Variants in ADGRB3 observed in about 807,000 individuals in gnomAD.
The protein encoded by ADGRB3 is brain-specific angiogenesis inhibitor 3.
ADGRB3 carries 37 observed loss-of-function variants against 193.4 expected under a neutral mutation model. The ratio of observed to expected loss-of-function variants is 0.19; its 90% CI spans 0.15 to 0.25. ADGRB3 has a LOEUF of 0.25. Ranked by LOEUF, ADGRB3 falls within the 10% of genes least tolerant of loss-of-function variation. The pLI, the probability that ADGRB3 is intolerant of heterozygous loss-of-function variation, is 1.00. For synonymous variants in ADGRB3, 690 were observed against 644.2 expected (o/e 1.07, Z -1.08); for missense variants, 1,637 against 1,852.9 (o/e 0.88, Z 2.14).
intron 3 of ADGRB3, among the ~76,000 whole-genome samples, chr6:68,655,304 GT>G (rs375875409): frequency 0.022 from 3,368 of 151,416 alleles, 62 homozygotes; most frequent in South Asian, 0.073. Flanking sequence ...GTTTTGTTTC[GT>G]TTTTTTGTTG....
rs879543402 is a variant in ADGRB3, at chr6:69,200,857, GT to G, written c.2481-32425del. Among the ~76,000 whole-genome samples, 13 of 152,128 alleles carry G rather than the reference GT, an allele frequency of 8.5e-5. No homozygotes were observed. The East Asian group carries it at 9.7e-4, about 11-fold the overall frequency. On this transcript the variant is annotated intron_variant, in intron 17 of 31. Transcript: ENST00000370598. ...GAGAAATAAAAGAAAAGGCAAAGAA[GT>G]TTTTTTTAAGCTGACACTGCTAGAA...
intron 3 of ADGRB3, among the ~76,000 whole-genome samples, chr6:68,764,893 A>G (rs1435960537): frequency 1.3e-5 from 2 of 152,316 alleles, no homozygotes; most frequent in East Asian, 3.9e-4. Flanking sequence ...CTTCATTAAC[A>G]AAGTGTTTCA....
intron 20 of ADGRB3, among the ~76,000 whole-genome samples, chr6:69,258,740 C>A (rs1376212532): frequency 6.6e-6 from 1 of 152,146 alleles, no homozygotes; most frequent in Non-Finnish European, 1.5e-5. Context: ...TGGTTCCCAA[C>A]AAGAGTAAAA....
At chr6:68,872,001 T>C (rs1343333577) in intron 3 of ADGRB3, among the ~76,000 whole-genome samples, 1 of 151,942 alleles carries the variant, frequency 6.6e-6, no homozygotes, top group East Asian at 1.9e-4. Context: ...TAACAAATAT[T>C]TTTTCATTGA....
intron 15 of ADGRB3, among the ~76,000 whole-genome samples, chr6:69,055,878 A>G (rs629082): frequency 0.49 from 74,959 of 151,734 alleles, 20,604 homozygotes; most frequent in East Asian, 0.96. Flanking sequence ...TGCACAGGCT[A>G]GAGTGCAGTG....
At chr6:69,119,899 T>C (rs1773636876) in intron 17 of ADGRB3, among the ~76,000 whole-genome samples, 2 of 152,250 alleles carry the variant, frequency 1.3e-5, no homozygotes, top group Admixed American at 6.5e-5. Context: ...AACTACTGTG[T>C]TGGCAATGGG....
intron 20 of ADGRB3, among the ~76,000 whole-genome samples, chr6:69,313,328 A>G (rs1470018033): frequency 6.6e-6 from 1 of 151,840 alleles, no homozygotes; most frequent in Non-Finnish European, 1.5e-5. Context: ...ATCTTTTTAT[A>G]CCAGGATGCC....
intron 11 of ADGRB3, among the ~76,000 whole-genome samples, chr6:69,012,519 G>T (rs1582393422): frequency 6.6e-6 from 1 of 151,976 alleles, no homozygotes; most frequent in African/African-American, 2.4e-5. Flanking sequence ...CCCTTCAAAT[G>T]TTAACACTTC....
At chr6:68,796,074 A>T (rs1182226355) in intron 3 of ADGRB3, among the ~76,000 whole-genome samples, 1 of 152,130 alleles carries the variant, frequency 6.6e-6, no homozygotes, top group Non-Finnish European at 1.5e-5. Context: ...AGAACCAAGT[A>T]TATTTTAGTT....
chr6:68,754,140 A>G (rs1156287574), intron 3 of ADGRB3, among the ~76,000 whole-genome samples: 2 of 152,120 alleles, frequency 1.3e-5, no homozygotes, highest in South Asian at 4.1e-4. Context: ...TGAAGACTAA[A>G]TCTAAGGATA....
intron 17 of ADGRB3, among the ~76,000 whole-genome samples, chr6:69,145,449 A>T (rs1402976097): frequency 6.6e-6 from 1 of 152,118 alleles, no homozygotes; most frequent in Non-Finnish European, 1.5e-5. Flanking sequence ...TGGCTCAGGG[A>T]GCTCCTAGGT....
intron 3 of ADGRB3, among the ~76,000 whole-genome samples, chr6:68,666,602 T>C (rs1768807098): frequency 6.6e-6 from 1 of 151,860 alleles, no homozygotes; most frequent in African/African-American, 2.4e-5. Context: ...TCTATCAAGA[T>C]ATTTTGAGAA....
intron 3 of ADGRB3, among the ~76,000 whole-genome samples, chr6:68,879,839 A>T (rs1487561372): frequency 6.6e-6 from 1 of 152,168 alleles, no homozygotes; most frequent in Non-Finnish European, 1.5e-5. Context: ...ATTTTAGCTG[A>T]TGCCTCATCC....
At chr6:68,718,082 A>G (rs16900148) in intron 3 of ADGRB3, among the ~76,000 whole-genome samples, 5,389 of 151,838 alleles carry the variant, frequency 0.035, 302 homozygotes, top group African/African-American at 0.12. Flanking sequence ...GCTCAAAATC[A>G]TTCTAACATT....
chr6:69,072,138 G>T (rs969871722), intron 16 of ADGRB3, among the ~76,000 whole-genome samples: 3 of 151,878 alleles, frequency 2.0e-5, no homozygotes, highest in African/African-American at 7.3e-5. Flanking sequence ...TGTTTGTTCA[G>T]CTTATTTTTC....
chr6:68,761,775 A>G lies in ADGRB3; in HGVS notation c.757+122343A>G, dbSNP rs181702430. On this transcript the variant is annotated intron_variant, in intron 3 of 31. Coordinates refer to ENST00000370598, the MANE Select transcript of ADGRB3 (RefSeq NM_001704.3). Reference sequence around the variant, plus strand: ...GACAATGCAAATATGTTTTACTATTAGGTTTTCTACTCATCATTACACTGT... The same window carrying G: ...GACAATGCAAATATGTTTTACTATTGGGTTTTCTACTCATCATTACACTGT... Among the ~76,000 whole-genome samples the G allele has an allele frequency of 9.7e-5, 14 of 144,474 alleles. 1 individual carries two copies. The highest frequency in any genetic ancestry group is 3.7e-4 in the African/African-American group (14 of 37,444). The allele number at this position is 144,474 out of a possible 152,430, so 94.8% of individuals were successfully genotyped here. A position where few individuals can be genotyped will look rare whatever the true frequency, so the allele number is the denominator to read the frequency against.
chr6:69,166,228 A>G (rs1775130003), intron 17 of ADGRB3, among the ~76,000 whole-genome samples: 1 of 152,046 alleles, frequency 6.6e-6, no homozygotes, highest in Admixed American at 6.6e-5. Flanking sequence ...CTGAACTGTG[A>G]GTGAGTATGA....
intron 3 of ADGRB3, among the ~76,000 whole-genome samples, chr6:68,698,655 A>T (rs544009257): frequency 2.8e-4 from 42 of 152,042 alleles, no homozygotes; most frequent in Non-Finnish European, 4.4e-4. Flanking sequence ...TAAAAAATGA[A>T]CCTGGTAATT....
At chr6:69,307,668 A>C (rs1008323107) in intron 20 of ADGRB3, among the ~76,000 whole-genome samples, 1 of 151,596 alleles carries the variant, frequency 6.6e-6, no homozygotes, top group African/African-American at 2.4e-5. Context: ...GTACTACAAA[A>C]GGTAGGACTT....
Sources: gnomAD v4.1 joint callset for allele counts (sites outside exome capture counted in the v4.1 genomes callset) on GRCh38, gnomAD v4.1.1 for gene constraint, MANE v1.5 for transcripts, NCBI Gene and HGNC (gene_info 2026-07-23, HGNC 2026-07-21) for gene names.